UNC13C: variants seen among roughly 807,000 people sequenced by gnomAD.
The protein encoded by UNC13C is protein unc-13 homolog C.
UNC13C carries 174 observed loss-of-function variants against 245.4 expected under a neutral mutation model. The ratio of observed to expected loss-of-function variants is 0.71; its 90% CI spans 0.63 to 0.80. UNC13C has a LOEUF of 0.80. UNC13C is among the 30% of genes least tolerant of loss of function. UNC13C has a pLI of 0.00. For synonymous variants in UNC13C, 992 were observed against 895.1 expected, an observed-to-expected ratio of 1.11 and a Z score of -1.93; for missense variants, 2,829 against 2,602.9, an observed-to-expected ratio of 1.09 and a Z score of -1.89.
intron 17 of UNC13C, among the ~76,000 whole-genome samples, chr15:54,364,348 A>G (rs2039309555): frequency 6.6e-6 from 1 of 152,134 alleles, no homozygotes; most frequent in South Asian, 2.1e-4. Flanking sequence ...TTTTTGAGAT[A>G]GTCATATTTT....
intron 23 of UNC13C, 56 bp from the exon 24 acceptor site, chr15:54,511,697 T>G (rs1894748299): frequency 4.8e-6 from 6 of 1,252,002 alleles, no homozygotes; most frequent in South Asian, 1.4e-5. Context: ...TTAAACTCAT[T>G]CAATAATTTT....
chr15:54,029,524 T>A (rs1222618025), intron 2 of UNC13C, among the ~76,000 whole-genome samples: 1 of 152,226 alleles, frequency 6.6e-6, no homozygotes, highest in Non-Finnish European at 1.5e-5. Flanking sequence ...ACCTACTGAA[T>A]GTATACAGTG....
At chr15:54,408,057 C>T (rs1234775546) in intron 18 of UNC13C, among the ~76,000 whole-genome samples, 4 of 151,350 alleles carry the variant, frequency 2.6e-5, no homozygotes, top group East Asian at 2.0e-4. Flanking sequence ...AAAAATTAGC[C>T]GGGCATGGTG....
chr15:54,237,760 G>T, intron 7 of UNC13C, 70 bp downstream of exon 7: 1 of 1,254,486 alleles, frequency 8.0e-7, no homozygotes, highest in Non-Finnish European at 1.1e-6. Context: ...AAACTGTTCT[G>T]CTTGAGCTAC....
intron 30 of UNC13C, among the ~76,000 whole-genome samples, chr15:54,591,147 T>A (rs1412212306): frequency 6.6e-6 from 1 of 152,216 alleles, no homozygotes; most frequent in Non-Finnish European, 1.5e-5. Context: ...GAAACCCACT[T>A]GGATCATGGT....
At chr15:54,350,183 G>A (rs1006517400) in intron 17 of UNC13C, among the ~76,000 whole-genome samples, 9 of 152,070 alleles carry the variant, frequency 5.9e-5, no homozygotes, top group African/African-American at 1.9e-4. Context: ...GTACTGACGG[G>A]GTTTCACCGT....
intron 19 of UNC13C, among the ~76,000 whole-genome samples, chr15:54,448,183 T>G (rs1294681967): frequency 6.6e-6 from 1 of 152,240 alleles, no homozygotes; most frequent in Non-Finnish European, 1.5e-5. Context: ...TGAGAAATGC[T>G]TTACTTCCAA....
intron 17 of UNC13C, among the ~76,000 whole-genome samples, chr15:54,370,417 A>G (rs2039463196): frequency 6.6e-6 from 1 of 152,080 alleles, no homozygotes; most frequent in Non-Finnish European, 1.5e-5. Flanking sequence ...AGACATATAG[A>G]TTTACTTACT....
chr15:54,083,139 G>A lies in UNC13C; in HGVS notation c.2984-59879G>A, dbSNP rs994318942. On this transcript the variant is annotated intron_variant, in intron 2 of 32. Transcript: ENST00000260323. ...GGAGAGACTGTGTTGGGGTGTTCTA[G>A]GTCCCTGGGGTAGGGAGTGGGAGTG... 3.9e-5 allele frequency among the ~76,000 whole-genome samples: 6 copies of A among 152,148 alleles called. No individual in the cohort carries two copies. In the East Asian group the frequency reaches 1.2e-3, roughly 29 times the overall value.
intron 2 of UNC13C, among the ~76,000 whole-genome samples, chr15:54,030,363 C>A (rs964764013): frequency 1.3e-5 from 2 of 152,048 alleles, no homozygotes; most frequent in East Asian, 1.9e-4. Context: ...CCTGCCCCTG[C>A]GGTTAGTTGT....
At chr15:53,931,828 AG>A in the UNC13C span, among the ~76,000 whole-genome samples, 1 of 152,204 alleles carries the variant, frequency 6.6e-6, no homozygotes, top group East Asian at 1.9e-4. Flanking sequence ...GCTACAAATC[AG>A]GGTGAGTCCT....
chr15:54,580,587 G>T (rs75210688), intron 30 of UNC13C, among the ~76,000 whole-genome samples: 2 of 152,148 alleles, frequency 1.3e-5, no homozygotes, highest in African/African-American at 4.8e-5. Context: ...CTGTAAAAAT[G>T]GAAAGCATAA....
chr15:54,042,680 C>T (rs529629516), intron 2 of UNC13C, among the ~76,000 whole-genome samples: 17 of 152,082 alleles, frequency 1.1e-4, no homozygotes, highest in South Asian at 2.1e-4. Flanking sequence ...GGTGAAACCC[C>T]GTCTCTACTA....
chr15:54,552,366 T>A (rs1364122435), intron 28 of UNC13C, among the ~76,000 whole-genome samples: 1 of 110,054 alleles, frequency 9.1e-6, no homozygotes, highest in African/African-American at 3.5e-5. Context: ...TTACAATGTA[T>A]ATTATATATT....
At chr15:54,164,726 T>C (rs2033105716) in intron 4 of UNC13C, among the ~76,000 whole-genome samples, 1 of 152,090 alleles carries the variant, frequency 6.6e-6, no homozygotes, top group African/African-American at 2.4e-5. Flanking sequence ...ATGTAAACGA[T>C]TTGGGTTTAA....
Position 54,014,154 on chromosome 15 carries a change from A to G in UNC13C, c.1251A>G (p.Lys417=). The G allele has an allele frequency of 6.2e-7, 1 of 1,613,826 alleles. No individual in the cohort carries two copies. The highest frequency in any genetic ancestry group is 8.5e-7 in the Non-Finnish European group (1 of 1,179,820). ...DILTHDIRER[K]EKGIPSSQTY... ...TAACTCATGACATCAGAGAAAGAAA[A>G]GAGAAAGGGATACCATCCTCCCAGA... The change falls in exon 2 of 33, where the codon AAA becomes AAG. Residue 417 remains lysine (K), a synonymous_variant. Coordinates refer to ENST00000260323, the MANE Select transcript of UNC13C (RefSeq NM_001080534.3).
At chr15:54,066,005 C>A (rs1898059578) in intron 2 of UNC13C, among the ~76,000 whole-genome samples, 1 of 152,284 alleles carries the variant, frequency 6.6e-6, no homozygotes, top group African/African-American at 2.4e-5. Flanking sequence ...TTAGCATGAA[C>A]ACCTATGCAA....
chr15:54,564,290 T>G (rs916264498), intron 29 of UNC13C, among the ~76,000 whole-genome samples: 1 of 151,996 alleles, frequency 6.6e-6, no homozygotes, highest in Non-Finnish European at 1.5e-5. Context: ...GCTAGAGACT[T>G]TAACGGAATA....
intron 17 of UNC13C, among the ~76,000 whole-genome samples, chr15:54,390,586 G>A (rs2039933701): frequency 6.6e-6 from 1 of 151,662 alleles, no homozygotes; most frequent in South Asian, 2.1e-4. Flanking sequence ...ATTTTTATTT[G>A]CTATTAAATG....
Sources: gnomAD v4.1 joint callset for allele counts (sites outside exome capture counted in the v4.1 genomes callset) on GRCh38, gnomAD v4.1.1 for gene constraint, MANE v1.5 for transcripts, NCBI Gene and HGNC (gene_info 2026-07-23, HGNC 2026-07-21) for gene names.